VPS13D: variants seen among roughly 807,000 people sequenced by gnomAD.
The protein encoded by VPS13D is vacuolar protein sorting 13 homolog D.
A neutral mutation model predicts 461.9 loss-of-function variants in VPS13D; 187 were observed. The ratio of observed to expected loss-of-function variants is 0.40; its 90% CI spans 0.36 to 0.46. The LOEUF is 0.46. Ranked by LOEUF, VPS13D falls within the 20% of genes least tolerant of loss-of-function variation. The probability of loss-of-function intolerance (pLI) is 0.60; values close to 1 mark genes in which losing one functional copy is unlikely to be tolerated. For missense variants in VPS13D, 4,711 were observed against 5,364.9 expected, an observed-to-expected ratio of 0.88 and a Z score of 3.81; for synonymous variants, 1,951 against 1,986.3, an observed-to-expected ratio of 0.98 and a Z score of 0.47.
chr1:12,296,281 T>TCAG (rs1334887917), intron 24 of VPS13D, among the ~76,000 whole-genome samples: 1 of 152,202 alleles, frequency 6.6e-6, no homozygotes, highest in African/African-American at 2.4e-5. Context: ...TAGTCTCCCA[T>TCAG]CAGCAGTGTA....
chr1:12,483,737 C>A (rs563789457), intron 67 of VPS13D, among the ~76,000 whole-genome samples: 1 of 151,530 alleles, frequency 6.6e-6, no homozygotes, highest in African/African-American at 2.4e-5. Flanking sequence ...CGGTGGCTCA[C>A]GCCTGTAATC....
In VPS13D at chr1:12,354,030, T is replaced by C. The variant is rs762331902; in HGVS notation, c.9488T>C (p.Phe3163Ser). 5.6e-6 allele frequency: 9 copies of C among 1,614,176 alleles called. No homozygotes were observed. In the South Asian group the frequency reaches 9.9e-5, roughly 18 times the overall value. ...NYPDYMPSNI[F>S]SDSAKQIFRQ... Reference sequence around the variant, plus strand: ...CCAGATTATATGCCCTCAAACATATTTTCTGACAGTGCAAAACAGATTTTC... The same window carrying C: ...CCAGATTATATGCCCTCAAACATATCTTCTGACAGTGCAAAACAGATTTTC... Residue 3163 changes from phenylalanine to serine, a missense_variant, in exon 47 of 70, where the codon TTT (phenylalanine) becomes TCT (serine). This residue lies in a region of VPS13D where 4,411 missense variants were observed against 4,937.8 expected (regional missense o/e 0.89). Transcript: ENST00000620676.
At chr1:12,241,732 A>G (rs1409879222) in intron 2 of VPS13D, among the ~76,000 whole-genome samples, 1 of 152,208 alleles carries the variant, frequency 6.6e-6, no homozygotes, top group African/African-American at 2.4e-5. Context: ...TAGAGGTGCT[A>G]AGGAGTTCCC....
chr1:12,281,842 T>G (rs1641793299), intron 20 of VPS13D, among the ~76,000 whole-genome samples: 1 of 152,204 alleles, frequency 6.6e-6, no homozygotes. Flanking sequence ...TGGTTGGAAT[T>G]CTTCTGTTAA....
chr1:12,276,004 G>C lies in VPS13D; in HGVS notation c.2416G>C (p.Ala806Pro). The change falls in exon 19 of 70, where the codon GCA (alanine) becomes CCA (proline). Residue 806 changes from alanine to proline, a missense_variant. Around this residue, in one of 3 missense-constraint regions of VPS13D, gnomAD observed 4,411 missense variants for 4,937.8 expected, o/e 0.89. Transcript: ENST00000620676. This position sits in a 1 kb window ranked among gnomAD's most constrained non-coding sequence, Gnocchi z 4.5. ...GVEFSEEQLQ[A>P]HLMSTKMYER... ...TGAGTTCAGTGAAGAACAGCTTCAA[G>C]CACATTTAATGAGCACAAAGATGTA... 1 of 1,614,026 alleles carries C rather than the reference G, an allele frequency of 6.2e-7. No homozygotes were observed. The highest frequency in any genetic ancestry group is 1.1e-5 in the South Asian group (1 of 91,076).
intron 67 of VPS13D, among the ~76,000 whole-genome samples, chr1:12,469,957 C>A (rs1292787829): frequency 1.3e-5 from 2 of 152,126 alleles, no homozygotes; most frequent in East Asian, 1.9e-4. Context: ...AATTCACTTG[C>A]CAAAACCTCA....
intron 67 of VPS13D, among the ~76,000 whole-genome samples, chr1:12,479,424 C>T (rs748394615): frequency 5.9e-5 from 9 of 152,234 alleles, no homozygotes; most frequent in Admixed American, 3.9e-4. Flanking sequence ...TAGGCAGACA[C>T]CTGCTCGGGA....
chr1:12,269,027 T>G lies in VPS13D; in HGVS notation c.1972+151T>G. The G allele has an allele frequency of 2.9e-6, 2 of 689,946 alleles. 1 individual carries two copies. Among genetic ancestry groups the G allele is most frequent in the South Asian group, 6.9e-5 (2 of 29,152 alleles). 42.7% of individuals were successfully genotyped at this position (689,946 alleles called of 1,614,324 possible). On this transcript the variant is annotated intron_variant, in intron 16 of 69. Coordinates refer to ENST00000620676, the MANE Select transcript of VPS13D (RefSeq NM_015378.4). ...CAATAGGGTTGCCCTGTCCTGTTACTAAACCAGGGTAGATATTTGTGGACA... is the reference window on the plus strand; with the variant it reads ...CAATAGGGTTGCCCTGTCCTGTTACGAAACCAGGGTAGATATTTGTGGACA...
At chr1:12,385,035 A>G (rs117194103) in intron 58 of VPS13D, among the ~76,000 whole-genome samples, 2 of 152,264 alleles carry the variant, frequency 1.3e-5, no homozygotes, top group East Asian at 3.9e-4. Context: ...TAACCCCACT[A>G]CGTGAGGCTC....
In VPS13D at chr1:12,401,699, A is replaced by C; in HGVS notation, c.11876A>C (p.Glu3959Ala). The C allele has an allele frequency of 3.1e-6, 5 of 1,612,736 alleles. No individual in the cohort carries two copies. The highest frequency in any genetic ancestry group is 4.2e-6 in the Non-Finnish European group (5 of 1,178,846). The change falls in exon 62 of 70, where the codon GAA (glutamate) becomes GCA (alanine). Residue 3959 changes from glutamate to alanine, a missense_variant. By Grantham distance (107) the Glu-to-Ala change is moderately radical. Around this residue, in one of 3 missense-constraint regions of VPS13D, gnomAD observed 4,411 missense variants for 4,937.8 expected, o/e 0.89. Coordinates refer to ENST00000620676, the MANE Select transcript of VPS13D (RefSeq NM_015378.4). ...LLSFFGYDQA[E>A]SEVEKYDENL... is the part of the protein sequence containing the mutation. The stretch of plus-strand genomic sequence containing the variant: ...AGTTTCTTTGGCTACGATCAAGCAG[A>C]ATCAGGTAATGTTGAATGTTCTATG...
rs540988667 is a variant in VPS13D at position 12,258,028 on chromosome 1, C to T, written c.1035C>T (p.Arg345=). The change falls in exon 10 of 70, where the codon CGC becomes CGT. Residue 345 remains arginine, a synonymous_variant. Transcript: ENST00000620676. ...KRCTWDFMLH[R]ARDAVSYTDK... ...GCACCTGGGACTTTATGTTGCACCG[C>T]GCTCGTGATGCTGTATCTTACACTG... The T allele has an allele frequency of 3.5e-5, 56 of 1,614,162 alleles. No homozygotes were observed. The highest frequency in any genetic ancestry group is 1.6e-4 in the Middle Eastern group (1 of 6,062).
Position 12,363,215 on chromosome 1 carries a change from CAACAAG to C in VPS13D, c.10419_10424del (p.Lys3474_Asn3475del). ...GTATTTGGTCTGGAGGCTTTGAAGTCAACAAGAATAATTCCTTCCATATCAACATGA... is the reference window on the plus strand; with the variant it reads ...GTATTTGGTCTGGAGGCTTTGAAGTCAATAATTCCTTCCATATCAACATGA... On this transcript the variant is annotated inframe_deletion, in exon 52 of 70. Coordinates refer to ENST00000620676, the MANE Select transcript of VPS13D (RefSeq NM_015378.4). 1 of 1,614,104 alleles carries C rather than the reference CAACAAG, an allele frequency of 6.2e-7. No individual in the cohort carries two copies. The highest frequency in any genetic ancestry group is 8.5e-7 in the Non-Finnish European group (1 of 1,180,026).
chr1:12,378,065 G>A (rs1023799183), intron 55 of VPS13D, among the ~76,000 whole-genome samples: 4 of 152,080 alleles, frequency 2.6e-5, no homozygotes, highest in African/African-American at 4.8e-5. Context: ...GGCACCGGAC[G>A]GTCATCATCT....
intron 5 of VPS13D, among the ~76,000 whole-genome samples, chr1:12,247,748 G>A (rs1255281878): frequency 2.0e-5 from 3 of 149,092 alleles, no homozygotes; most frequent in Non-Finnish European, 3.0e-5. Context: ...CTGTTGCTCA[G>A]GCTGGAATGT....
At chr1:12,325,916 T>A (rs1166297284) in intron 35 of VPS13D, among the ~76,000 whole-genome samples, 6 of 151,964 alleles carry the variant, frequency 3.9e-5, no homozygotes, top group African/African-American at 1.4e-4. Flanking sequence ...TAGAGTGATC[T>A]ATATTTTAAA....
intron 1 of VPS13D, among the ~76,000 whole-genome samples, chr1:12,230,807 C>T (rs1006412517): frequency 4.6e-5 from 7 of 152,140 alleles, no homozygotes; most frequent in Admixed American, 3.9e-4. Flanking sequence ...CCTGGCCCAG[C>T]CACTCCTCCT....
intron 24 of VPS13D, among the ~76,000 whole-genome samples, chr1:12,294,093 G>T (rs973158181): frequency 2.6e-5 from 4 of 152,128 alleles, no homozygotes; most frequent in Admixed American, 6.6e-5. Context: ...TTTATTCATG[G>T]CACATCCTAG....
intron 46 of VPS13D, among the ~76,000 whole-genome samples, chr1:12,353,473 C>T (rs2101598062): frequency 7.2e-6 from 1 of 138,254 alleles, no homozygotes; most frequent in South Asian, 2.3e-4. Context: ...GTGGAGCTTG[C>T]AGTGAGCCGA....
chr1:12,396,401 G>A (rs1644499650), intron 60 of VPS13D, among the ~76,000 whole-genome samples: 1 of 152,090 alleles, frequency 6.6e-6, no homozygotes, highest in Non-Finnish European at 1.5e-5. Context: ...TCGGAGTTCT[G>A]AAAAAGTCGA....
Sources: gnomAD v4.1 joint callset for allele counts (sites outside exome capture counted in the v4.1 genomes callset) on GRCh38, gnomAD v4.1.1 for gene constraint, gnomAD v4.1.1 regional missense constraint, Gnocchi (gnomAD v3.1) non-coding constraint, MANE v1.5 for transcripts, NCBI Gene and HGNC (gene_info 2026-07-23, HGNC 2026-07-21) for gene names.